The following PRKG1 variants were observed in gnomAD, a reference collection of about 807,000 sequenced individuals.
The protein encoded by PRKG1 is protein kinase cGMP-dependent 1, also known as cGMP-dependent protein kinase 1.
In PRKG1, 35 loss-of-function variants were observed where a neutral mutation model predicts 88.1. The ratio of observed to expected loss-of-function variants is 0.40; its 90% CI spans 0.30 to 0.53. The LOEUF (loss-of-function observed/expected upper bound fraction) is 0.53, where lower values mean the gene tolerates loss of function less well. PRKG1 is among the 20% of genes least tolerant of loss of function. PRKG1 has a pLI of 0.59. For missense variants in PRKG1, 540 were observed against 839.8 expected (o/e 0.64, Z 4.41); for synonymous variants, 303 against 292.5 (o/e 1.04, Z -0.37).
In PRKG1 at chr10:52,025,359, T is replaced by A. The variant is rs1845308302; in HGVS notation, c.763-29125T>A. ...GATCCCATTTGTCAATTGTGGCTTT[T>A]GTTTTCATTGTTTTTGGTGTTTTAG... On this transcript the variant is annotated intron_variant, in intron 5 of 17. Coordinates refer to ENST00000373980, the MANE Select transcript of PRKG1 (RefSeq NM_006258.4). Among the ~76,000 whole-genome samples the A allele has an allele frequency of 2.0e-5, 3 of 152,232 alleles. No individual in the cohort carries two copies. In the South Asian group the frequency reaches 6.2e-4, roughly 31 times the overall value.
intron 1 of PRKG1, among the ~76,000 whole-genome samples, chr10:51,046,323 CA>C (rs928313388): frequency 5.9e-5 from 9 of 152,148 alleles, no homozygotes. Flanking sequence ...CCTGAGATCC[CA>C]GTCCTCCTGT....
At chr10:51,685,520 T>C (rs1380325373) in intron 3 of PRKG1, among the ~76,000 whole-genome samples, 1 of 152,182 alleles carries the variant, frequency 6.6e-6, no homozygotes, top group African/African-American at 2.4e-5. Flanking sequence ...ATCTTGTGGC[T>C]GATGTCTGAA....
At chr10:51,133,797 A>G (rs1845627512) in intron 1 of PRKG1, among the ~76,000 whole-genome samples, 2 of 152,212 alleles carry the variant, frequency 1.3e-5, no homozygotes, top group South Asian at 4.1e-4. Flanking sequence ...CAGACTAAAA[A>G]AATTCTGCAT....
At chr10:51,194,397 C>A (rs990251615) in intron 2 of PRKG1, among the ~76,000 whole-genome samples, 5 of 152,002 alleles carry the variant, frequency 3.3e-5, no homozygotes, top group Non-Finnish European at 5.9e-5. Context: ...TAGCACCCAA[C>A]CCCCTGACAG....
chr10:52,292,226 G>T lies in PRKG1; in HGVS notation c.1963-1576G>T, dbSNP rs950842408. ...ATTTTGTAGGTTGCCTGTTCACTCTGATGGTAGTTTCTTTTGCAGTGCAGG... is the reference window on the plus strand; with the variant it reads ...ATTTTGTAGGTTGCCTGTTCACTCTTATGGTAGTTTCTTTTGCAGTGCAGG... On this transcript the variant is annotated intron_variant, in intron 17 of 17. Coordinates refer to ENST00000373980, the MANE Select transcript of PRKG1 (RefSeq NM_006258.4). 1.7e-4 allele frequency among the ~76,000 whole-genome samples: 25 copies of T among 150,702 alleles called. No individual in the cohort carries two copies. The East Asian group carries it at 4.9e-3, about 30-fold the overall frequency.
At chr10:52,253,482 C>G (rs1841231152) in intron 10 of PRKG1, 1 of 150,170 alleles carries the variant, frequency 6.7e-6, no homozygotes, top group Admixed American at 6.7e-5. Context: ...TTTTGATTAG[C>G]CTCAAAATTG....
At chr10:51,262,697 C>T (rs1564660198) in intron 2 of PRKG1, among the ~76,000 whole-genome samples, 1 of 152,140 alleles carries the variant, frequency 6.6e-6, no homozygotes, top group East Asian at 1.9e-4. Flanking sequence ...TGGAGGCCTC[C>T]GGAAACTTAC....
chr10:51,900,765 T>G (rs1023671405), intron 4 of PRKG1, among the ~76,000 whole-genome samples: 1 of 152,122 alleles, frequency 6.6e-6, no homozygotes, highest in Non-Finnish European at 1.5e-5. Flanking sequence ...CCAAAACCCA[T>G]ATTTTTTTTA....
intron 6 of PRKG1, among the ~76,000 whole-genome samples, chr10:52,058,899 C>T (rs1425938570): frequency 2.6e-5 from 4 of 151,730 alleles, no homozygotes; most frequent in African/African-American, 4.8e-5. Flanking sequence ...GAAAAGTACA[C>T]GTCTTGTAAG....
intron 1 of PRKG1, among the ~76,000 whole-genome samples, chr10:51,125,290 C>A (rs563453700): frequency 2.2e-4 from 33 of 151,968 alleles, no homozygotes; most frequent in African/African-American, 7.5e-4. Flanking sequence ...CACCACTGCA[C>A]TCCATCCTGG....
chr10:52,001,727 AC>A (rs1419636208), intron 5 of PRKG1, among the ~76,000 whole-genome samples: 2 of 152,170 alleles, frequency 1.3e-5, no homozygotes, highest in East Asian at 3.9e-4. Context: ...AATAACCTCT[AC>A]CACCATTGTT....
At chr10:52,110,801 C>T (rs932889142) in intron 7 of PRKG1, among the ~76,000 whole-genome samples, 1 of 152,138 alleles carries the variant, frequency 6.6e-6, no homozygotes, top group Non-Finnish European at 1.5e-5. Flanking sequence ...TCATAGCTGC[C>T]GTGTTGCTAC....
Position 52,074,009 on chromosome 10 carries a change from TAC to T in PRKG1, c.935+11380_935+11381del, listed in dbSNP as rs1846568868. ...TCTCTGAACACCTTCACCTGAAACA[TAC>T]AGTTAGTTGTACAAAAAAATTATTG... is the stretch of plus-strand genomic sequence containing the variant. On this transcript the variant is annotated intron_variant, in intron 7 of 17. Transcript: ENST00000373980. Among the ~76,000 whole-genome samples, 4 of 150,222 alleles carry T rather than the reference TAC, an allele frequency of 2.7e-5. No homozygotes were observed. The South Asian group carries it at 8.6e-4, about 32-fold the overall frequency.
At chr10:51,065,061 G>GTT (rs1419014093) in intron 1 of PRKG1, among the ~76,000 whole-genome samples, 4 of 152,186 alleles carry the variant, frequency 2.6e-5, no homozygotes, top group African/African-American at 9.6e-5. Context: ...AATCACAGAA[G>GTT]TTATTAAGTA....
intron 2 of PRKG1, among the ~76,000 whole-genome samples, chr10:51,246,622 A>G (rs1474544912): frequency 1.3e-5 from 2 of 152,192 alleles, no homozygotes; most frequent in East Asian, 3.9e-4. Context: ...AGAAAAAAAA[A>G]AAACAATGAG....
chr10:51,895,351 G>A (rs1249301406), intron 4 of PRKG1, among the ~76,000 whole-genome samples: 1 of 152,186 alleles, frequency 6.6e-6, no homozygotes, highest in East Asian at 1.9e-4. Context: ...TCAAGAGAAT[G>A]TGTGTTGCCC....
At chr10:51,053,220 A>G (rs967038212) in intron 1 of PRKG1, among the ~76,000 whole-genome samples, 1 of 148,388 alleles carries the variant, frequency 6.7e-6, no homozygotes, top group Non-Finnish European at 1.5e-5. Flanking sequence ...ATAGCGCAAG[A>G]CTCTTGTCTC....
At chr10:52,133,944 A>G in intron 8 of PRKG1, 39 bp downstream of exon 8, 3 of 1,490,820 alleles carry the variant, frequency 2.0e-6, no homozygotes, top group African/African-American at 1.4e-5. Flanking sequence ...ACACACTCAT[A>G]TCAGCAACAC....
At chr10:51,814,832 A>G (rs963921756) in intron 4 of PRKG1, among the ~76,000 whole-genome samples, 1 of 152,190 alleles carries the variant, frequency 6.6e-6, no homozygotes, top group African/African-American at 2.4e-5. Context: ...GCTAATTTTT[A>G]AAAAATTATT....
Sources: gnomAD v4.1 joint callset for allele counts (sites outside exome capture counted in the v4.1 genomes callset) on GRCh38, gnomAD v4.1.1 for gene constraint, MANE v1.5 for transcripts, NCBI Gene and HGNC (gene_info 2026-07-23, HGNC 2026-07-21) for gene names.